LIPA: variants seen among roughly 807,000 people sequenced by gnomAD.
LIPA encodes lysosomal acid lipase/cholesteryl ester hydrolase.
LIPA carries 26 observed loss-of-function variants against 40.6 expected under a neutral mutation model. The ratio of observed to expected loss-of-function variants is 0.64; its 90% CI spans 0.47 to 0.89. The LOEUF is 0.89. Ranked by LOEUF, LIPA falls within the 40% of genes least tolerant of loss-of-function variation. LIPA has a pLI of 0.00. For synonymous variants in LIPA, 188 were observed against 168.4 expected, an observed-to-expected ratio of 1.12 and a Z score of -0.90; for missense variants, 455 against 479.6, an observed-to-expected ratio of 0.95 and a Z score of 0.48.
At chr10:89,284,854 C>T (rs914184305) in intron 1 of LIPA, among the ~76,000 whole-genome samples, 3 of 152,190 alleles carry the variant, frequency 2.0e-5, no homozygotes, top group South Asian at 2.1e-4. Flanking sequence ...GATGACATTA[C>T]CTTGTGAAAT....
chr10:89,269,042 G>C (rs56895183), intron 1 of LIPA, among the ~76,000 whole-genome samples: 1 of 150,182 alleles, frequency 6.7e-6, no homozygotes, highest in African/African-American at 2.5e-5. Context: ...AAAATACTTA[G>C]GGCCAGGCAC....
At chr10:89,317,339 C>G (rs916753246) in intron 1 of LIPA, among the ~76,000 whole-genome samples, 18 of 152,260 alleles carry the variant, frequency 1.2e-4, no homozygotes, top group African/African-American at 4.3e-4. Context: ...CGACGAATGG[C>G]TAACTAGAAT....
At chr10:89,278,721 A>G (rs544309799) in intron 1 of LIPA, among the ~76,000 whole-genome samples, 23 of 152,144 alleles carry the variant, frequency 1.5e-4, no homozygotes, top group Non-Finnish European at 3.1e-4. Context: ...AATTGTGAAA[A>G]ATGTAAAATC....
At chr10:89,307,147 G>A in intron 1 of LIPA, 2 of 1,613,976 alleles carry the variant, frequency 1.2e-6, no homozygotes, top group Non-Finnish European at 1.7e-6. Context: ...ACTTTATAGA[G>A]GGTGTAAAAA....
intron 8 of LIPA, among the ~76,000 whole-genome samples, chr10:89,219,150 A>G (rs1354138341): frequency 6.6e-6 from 1 of 152,124 alleles, no homozygotes; most frequent in Non-Finnish European, 1.5e-5. Context: ...AAGCCTACCA[A>G]AAGTATGTTT....
chr10:89,222,389 G>C lies in LIPA; in HGVS notation c.894+122C>G, dbSNP rs1842710609. On this transcript the variant is annotated intron_variant, in intron 8 of 9. Coordinates refer to ENST00000336233, the MANE Select transcript of LIPA (RefSeq NM_000235.4). ...CACGATGACAAAAACCCAGGACTCT[G>C]GGGAAGAAAACCAGATCAGATTTGT... 4 of 746,564 alleles carry C rather than the reference G, an allele frequency of 5.4e-6. 1 individual carries two copies. The South Asian group carries it at 5.7e-5, about 11-fold the overall frequency. The allele number at this position is 746,564 out of a possible 1,614,324, so 46.2% of individuals were successfully genotyped here. A position where few individuals can be genotyped will look rare whatever the true frequency, so the allele number is the denominator to read the frequency against.
intron 2 of LIPA, chr10:89,402,178 T>C (rs1184721454): frequency 1.4e-6 from 1 of 715,786 alleles, no homozygotes; most frequent in Non-Finnish European, 2.3e-6. Flanking sequence ...CTAAGTAAGT[T>C]GATCCTTTCA....
intron 2 of LIPA, chr10:89,412,680 G>C: frequency 5.0e-6 from 2 of 400,276 alleles, no homozygotes; most frequent in Admixed American, 3.1e-5. Context: ...GTGAAACCAC[G>C]AACCCACCGG....
At chr10:89,363,774 CAAA>C (rs760221407) in intron 2 of LIPA, among the ~76,000 whole-genome samples, 5 of 93,100 alleles carry the variant, frequency 5.4e-5, no homozygotes, top group Non-Finnish European at 6.1e-5. Context: ...CAGACTCCAT[CAAA>C]AAAAAAAAAA....
chr10:89,236,062 A>G (rs976387359), intron 3 of LIPA, among the ~76,000 whole-genome samples: 1 of 152,216 alleles, frequency 6.6e-6, no homozygotes, highest in African/African-American at 2.4e-5. Flanking sequence ...TCTGGAAATA[A>G]TAAAAAGTTA....
chr10:89,387,317 C>CAAAA (rs565296927), intron 2 of LIPA, among the ~76,000 whole-genome samples: 2 of 83,632 alleles, frequency 2.4e-5, no homozygotes, highest in South Asian at 3.7e-4. Flanking sequence ...GACTCCGTCT[C>CAAAA]AAAAAAAAAA....
chr10:89,239,496 T>C (rs898697488), intron 3 of LIPA, among the ~76,000 whole-genome samples: 11 of 152,214 alleles, frequency 7.2e-5, no homozygotes, highest in Non-Finnish European at 1.3e-4. Context: ...ATGTGGCCTT[T>C]GCCACTGTGC....
At chr10:89,406,943 G>A (rs1295643633) in intron 2 of LIPA, among the ~76,000 whole-genome samples, 1 of 152,110 alleles carries the variant, frequency 6.6e-6, no homozygotes, top group Non-Finnish European at 1.5e-5. Flanking sequence ...TTAGAATTCG[G>A]GGGCTAAATA....
intron 1 of LIPA, among the ~76,000 whole-genome samples, chr10:89,321,151 G>C (rs557044884): frequency 1.2e-3 from 182 of 152,088 alleles, no homozygotes; most frequent in African/African-American, 4.1e-3. Context: ...TCAGGACATA[G>C]GCATGGGCAA....
chr10:89,361,087 A>G (rs1026128150), intron 2 of LIPA, among the ~76,000 whole-genome samples: 1 of 152,118 alleles, frequency 6.6e-6, no homozygotes. Context: ...CTTTGATTAT[A>G]TCTGCAAAGA....
rs1349292420 is a variant in LIPA, at chr10:89,268,998, G to A, written c.-1-21349C>T. 5.5e-5 allele frequency among the ~76,000 whole-genome samples: 7 copies of A among 126,716 alleles called. No individual in the cohort carries two copies. The East Asian group carries it at 1.8e-3, about 33-fold the overall frequency. 83.1% of individuals were successfully genotyped at this position (126,716 alleles called of 152,430 possible). A position where few individuals can be genotyped will look rare whatever the true frequency, so the allele number is the denominator to read the frequency against. On this transcript the variant is annotated intron_variant, in intron 1 of 5. Coordinates refer to the LIPA transcript ENST00000282673. ...CAGACTCTGTCTCAAAAAAAAAAAAGTATAAAAATACTTTAAATGATTTAC... is the reference window on the plus strand; with the variant it reads ...CAGACTCTGTCTCAAAAAAAAAAAAATATAAAAATACTTTAAATGATTTAC...
chr10:89,356,622 C>G (rs1037532228), intron 2 of LIPA, among the ~76,000 whole-genome samples: 1 of 152,164 alleles, frequency 6.6e-6, no homozygotes, highest in African/African-American at 2.4e-5. Flanking sequence ...TCTCCCATCA[C>G]CCCCAGATGG....
In LIPA at chr10:89,409,921, T is replaced by C. The variant is rs578046609; in HGVS notation, c.61+2870A>G. On this transcript the variant is annotated intron_variant, in intron 2 of 8. Transcript: ENST00000371837. The stretch of plus-strand genomic sequence containing the variant: ...AGTTACCCATTTGTTGTCCCCTACT[T>C]GAGAGGGGAATCAACCCTGAAGTCT... Among the ~76,000 whole-genome samples the C allele has an allele frequency of 2.6e-5, 4 of 152,288 alleles. No homozygotes were observed. In the East Asian group the frequency reaches 7.7e-4, roughly 29 times the overall value.
intron 2 of LIPA, among the ~76,000 whole-genome samples, chr10:89,354,720 A>G (rs113401215): frequency 0.017 from 2,617 of 152,164 alleles, 88 homozygotes; most frequent in African/African-American, 0.059. Flanking sequence ...GGCACCCACC[A>G]CCACGCCCTG....
Sources: gnomAD v4.1 joint callset for allele counts (sites outside exome capture counted in the v4.1 genomes callset) on GRCh38, gnomAD v4.1.1 for gene constraint, MANE v1.5 for transcripts, NCBI Gene and HGNC (gene_info 2026-07-23, HGNC 2026-07-21) for gene names.